Variants in CD101 observed in about 807,000 individuals in gnomAD.
The protein encoded by CD101 is CD101 molecule.
A neutral mutation model predicts 98.2 loss-of-function variants in CD101; 76 were observed. The observed-to-expected ratio is 0.77, with a 90% CI of 0.64 to 0.94. The LOEUF is 0.94. Ranked by LOEUF, CD101 falls within the 40% of genes least tolerant of loss-of-function variation. CD101 has a pLI of 0.00. For synonymous variants in CD101, 471 were observed against 472.7 expected, an observed-to-expected ratio of 1.00 and a Z score of 0.05; for missense variants, 1,145 against 1,218.8, an observed-to-expected ratio of 0.94 and a Z score of 0.90.
chr1:117,014,224 TG>T (rs1653069323), intron 4 of CD101, among the ~76,000 whole-genome samples: 1 of 137,320 alleles, frequency 7.3e-6, no homozygotes, highest in Non-Finnish European at 1.6e-5. Flanking sequence ...TGTGTGTGTG[TG>T]TGTGATATGA....
chr1:117,031,155 C>T (rs962803913), intron 8 of CD101, among the ~76,000 whole-genome samples: 1 of 152,172 alleles, frequency 6.6e-6, no homozygotes, highest in Non-Finnish European at 1.5e-5. Context: ...TTTAACAGCA[C>T]AGGCACTAAC....
rs1249978027 is a variant in CD101 at position 117,019,555 on chromosome 1, C to T, written c.2017+995C>T. Reference sequence around the variant, plus strand: ...TCATTTTCTCCTCCACTGATTTATTCTTTAAAGAAAACAGTTTCTCTGGAT... The same window carrying T: ...TCATTTTCTCCTCCACTGATTTATTTTTTAAAGAAAACAGTTTCTCTGGAT... On this transcript the variant is annotated intron_variant, in intron 6 of 9. Coordinates refer to ENST00000682167, the MANE Select transcript of CD101 (RefSeq NM_001256106.3). The surrounding 1 kb of genome is among the most constrained non-coding windows in gnomAD (Gnocchi z 4.3). Among the ~76,000 whole-genome samples, 1 of 152,120 alleles carries T rather than the reference C, an allele frequency of 6.6e-6. No individual in the cohort carries two copies. The highest frequency in any genetic ancestry group is 6.5e-5 in the Admixed American group (1 of 15,270).
At position 117,025,650 on chromosome 1, in the gene CD101, C is replaced by G; in HGVS notation, c.2570C>G (p.Ser857Cys). The G allele has an allele frequency of 6.2e-7, 1 of 1,614,156 alleles. No homozygotes were observed. The highest frequency in any genetic ancestry group is 8.5e-7 in the Non-Finnish European group (1 of 1,180,028). ...SVMWYWNRENSGSKLLVHLQH... is the reference protein window; with the variant it reads ...SVMWYWNRENCGSKLLVHLQH... Reference sequence around the variant, plus strand: ...ATGTGGTACTGGAACAGAGAAAACTCTGGAAGTAAATTGCTGGTGCACTTG... The same window carrying G: ...ATGTGGTACTGGAACAGAGAAAACTGTGGAAGTAAATTGCTGGTGCACTTG... The change falls in exon 8 of 10, where the codon TCT (serine) becomes TGT (cysteine). Residue 857 changes from serine (S) to cysteine (C), a missense_variant. Transcript: ENST00000682167.
At chr1:117,035,928 G>A (rs780446730) in intron 9 of CD101, among the ~76,000 whole-genome samples, 13 of 152,154 alleles carry the variant, frequency 8.5e-5, no homozygotes, top group Admixed American at 3.3e-4. Flanking sequence ...GGGAAAGAGA[G>A]CAGAAGTGAG....
intron 8 of CD101, among the ~76,000 whole-genome samples, chr1:117,031,507 T>C (rs941395948): frequency 6.6e-6 from 1 of 152,180 alleles, no homozygotes; most frequent in Non-Finnish European, 1.5e-5. Context: ...ACAGGGGGAC[T>C]AGAGATGTAA....
rs997763803 is a variant in CD101 at position 117,005,439 on chromosome 1, C to A, written c.43+3579C>A. 6.6e-6 allele frequency among the ~76,000 whole-genome samples: 1 copy of A among 152,202 alleles called. No homozygotes were observed. Among genetic ancestry groups the A allele is most frequent in the Admixed American group, 6.6e-5 (1 of 15,266 alleles). On this transcript the variant is annotated intron_variant, in intron 1 of 9. Transcript: ENST00000682167. This position sits in a 1 kb window ranked among gnomAD's most constrained non-coding sequence, Gnocchi z 4.4. ...CAAAGATCTTCATGGACATCCTCCTCATCGAGCTAACAGGAGTCTCCTCTG... is the reference window on the plus strand; with the variant it reads ...CAAAGATCTTCATGGACATCCTCCTAATCGAGCTAACAGGAGTCTCCTCTG...
At chr1:117,015,742 C>T (rs1653168604) in intron 4 of CD101, among the ~76,000 whole-genome samples, 1 of 152,208 alleles carries the variant, frequency 6.6e-6, no homozygotes, top group Admixed American at 6.5e-5. Context: ...AAGTACTTTC[C>T]CTAGCCATCC....
At chr1:117,015,161 A>C (rs888813830) in intron 4 of CD101, among the ~76,000 whole-genome samples, 1 of 152,222 alleles carries the variant, frequency 6.6e-6, no homozygotes, top group African/African-American at 2.4e-5. Flanking sequence ...GTTATTAGCA[A>C]ATTTATTAAG....
At position 117,006,960 on chromosome 1, in the gene CD101, A is replaced by G. The variant is rs1652571283; in HGVS notation, c.44-2890A>G. Reference sequence around the variant, plus strand: ...CGTGTTTTCACAATAAAAATTTTCAAACGTGGTACCCATCTTGCTGAAAAG... The same window carrying G: ...CGTGTTTTCACAATAAAAATTTTCAGACGTGGTACCCATCTTGCTGAAAAG... On this transcript the variant is annotated intron_variant, in intron 1 of 9. Coordinates refer to ENST00000682167, the MANE Select transcript of CD101 (RefSeq NM_001256106.3). The surrounding 1 kb of genome is among the most constrained non-coding windows in gnomAD (Gnocchi z 4.4). 6.6e-6 allele frequency among the ~76,000 whole-genome samples: 1 copy of G among 152,162 alleles called. No homozygotes were observed. Among genetic ancestry groups the G allele is most frequent in the Non-Finnish European group, 1.5e-5 (1 of 68,036 alleles).
rs1159941357 is a variant in CD101, at chr1:117,006,760, T to C, written c.44-3090T>C. Reference sequence around the variant, plus strand: ...TTCAAAATTTTTGAAGCACTTTTATTATATGTTTTCCATAGAGAGGTGACT... The same window carrying C: ...TTCAAAATTTTTGAAGCACTTTTATCATATGTTTTCCATAGAGAGGTGACT... On this transcript the variant is annotated intron_variant, in intron 1 of 9. Transcript: ENST00000682167. The surrounding 1 kb of genome is among the most constrained non-coding windows in gnomAD (Gnocchi z 4.4). 6.6e-6 allele frequency among the ~76,000 whole-genome samples: 1 copy of C among 152,144 alleles called. No individual in the cohort carries two copies.
At chr1:117,002,369 AG>A in intron 1 of CD101, among the ~76,000 whole-genome samples, 1 of 152,344 alleles carries the variant, frequency 6.6e-6, no homozygotes, top group East Asian at 1.9e-4. Flanking sequence ...TTGACTACTG[AG>A]AGACTGAGAA....
In CD101 at chr1:117,017,345, A is replaced by C. The variant is rs553156028; in HGVS notation, c.1484A>C (p.Gln495Pro). ...GAGAAAATGGACTGGGCCACCTTCC[A>C]GCTGGAGATCACCTTCACTGCCATC... ...RLEKMDWATF[Q>P]LEITFTAITD... is the part of the protein sequence containing the mutation. Residue 495 changes from glutamine to proline, a missense_variant, in exon 5 of 10, where the codon CAG becomes CCG. Transcript: ENST00000682167. The C allele has an allele frequency of 1.9e-6, 3 of 1,614,254 alleles. No homozygotes were observed. In the Admixed American group the frequency reaches 5.0e-5, roughly 27 times the overall value.
chr1:117,001,809 C>T lies in CD101; in HGVS notation c.-9C>T. The T allele has an allele frequency of 1.2e-6, 2 of 1,613,852 alleles. No individual in the cohort carries two copies. The highest frequency in any genetic ancestry group is 8.5e-7 in the Non-Finnish European group (1 of 1,179,762). ...ACTATTGGGACGAAAAAGGACTGTG[C>T]TGGCCCAAATGGCAGGCATCTCATA... On this transcript the variant is annotated 5_prime_UTR_variant, in exon 1 of 10. Transcript: ENST00000682167.
chr1:117,005,271 G>T lies in CD101; in HGVS notation c.43+3411G>T, dbSNP rs74317151. ...ATTCTCCATCCCACCCCTTCCTACCGCTCCTCACCTAGCTACTCTTTCTAG... is the reference window on the plus strand; with the variant it reads ...ATTCTCCATCCCACCCCTTCCTACCTCTCCTCACCTAGCTACTCTTTCTAG... On this transcript the variant is annotated intron_variant, in intron 1 of 9. Coordinates refer to ENST00000682167, the MANE Select transcript of CD101 (RefSeq NM_001256106.3). This position sits in a 1 kb window ranked among gnomAD's most constrained non-coding sequence, Gnocchi z 4.4. Among the ~76,000 whole-genome samples the T allele has an allele frequency of 4.0e-5, 6 of 151,670 alleles. No homozygotes were observed. Among genetic ancestry groups the T allele is most frequent in the African/African-American group, 1.5e-4 (6 of 41,236 alleles).
intron 1 of CD101, among the ~76,000 whole-genome samples, chr1:117,008,263 G>GA (rs1652657978): frequency 6.6e-6 from 1 of 152,060 alleles, no homozygotes; most frequent in Non-Finnish European, 1.5e-5. Context: ...TCAGGAGTTC[G>GA]AGACCAGCCT....
chr1:117,013,913 T>C, intron 4 of CD101, 121 bp downstream of exon 4: 3 of 1,184,336 alleles, frequency 2.5e-6, no homozygotes, highest in East Asian at 2.6e-5. Context: ...TCAGATCACA[T>C]TGGAGGTGGA....
rs1289214690 is a variant in CD101 at position 117,029,273 on chromosome 1, G to GAAAGAA, written c.2824+3370_2824+3371insAAGAAA. 3.2e-4 allele frequency among the ~76,000 whole-genome samples: 41 copies of GAAAGAA among 128,126 alleles called. 1 individual carries two copies. The highest frequency in any genetic ancestry group is 1.1e-3 in the African/African-American group (38 of 34,846). The allele number at this position is 128,126 out of a possible 152,430, so 84.1% of individuals were successfully genotyped here. On this transcript the variant is annotated intron_variant, in intron 8 of 9. Transcript: ENST00000682167. ...AGAAAGAAAGAAAGAAAGAAAGAAA[G>GAAAGAA]AGTAGATACGGTTGACAGTCCAACA...
Position 117,025,543 on chromosome 1 carries a change from C to A in CD101, c.2463C>A (p.Thr821=), listed in dbSNP as rs949704806. The A allele has an allele frequency of 6.3e-7, 1 of 1,599,402 alleles. No individual in the cohort carries two copies. Among genetic ancestry groups the A allele is most frequent in the Non-Finnish European group, 8.5e-7 (1 of 1,173,072 alleles). Reference sequence around the variant, plus strand: ...TACGTGTCTCCAAAGTGTACTGGACCGAAAATGTGACTGAGCACAGAGAAG... The same window carrying A: ...TACGTGTCTCCAAAGTGTACTGGACAGAAAATGTGACTGAGCACAGAGAAG... The part of the protein sequence containing the change: ...SKVRVSKVYW[T]ENVTEHREVA... Residue 821 remains threonine, a synonymous_variant, in exon 8 of 10, where the codon ACC becomes ACA. Transcript: ENST00000682167.
At position 117,001,778 on chromosome 1, in the gene CD101, A is replaced by G; in HGVS notation, c.-40A>G. The stretch of plus-strand genomic sequence containing the variant: ...ATTTGTCACTCAACCTCTGAATGTT[A>G]GTGACACTATTGGGACGAAAAAGGA... On this transcript the variant is annotated 5_prime_UTR_variant, in exon 1 of 10. Transcript: ENST00000682167. 6.3e-7 allele frequency: 1 copy of G among 1,597,976 alleles called. No individual in the cohort carries two copies. The highest frequency in any genetic ancestry group is 8.6e-7 in the Non-Finnish European group (1 of 1,165,802).
Sources: allele counts gnomAD v4.1 joint callset (sites outside exome capture counted in the v4.1 genomes callset), GRCh38; gene constraint gnomAD v4.1.1; non-coding constraint Gnocchi (gnomAD v3.1); transcripts MANE v1.5; gene names NCBI Gene and HGNC (gene_info 2026-07-23, HGNC 2026-07-21).